Variants in DLGAP2 observed in about 807,000 individuals in gnomAD.
DLGAP2 encodes disks large-associated protein 2.
In DLGAP2, 26 loss-of-function variants were observed where a neutral mutation model predicts 100.3. The observed-to-expected ratio is 0.26, with a 90% CI of 0.19 to 0.36. DLGAP2 has a LOEUF of 0.36. Ranked by LOEUF, DLGAP2 falls within the 10% of genes least tolerant of loss-of-function variation. The pLI, the probability that DLGAP2 is intolerant of heterozygous loss-of-function variation, is 1.00. For missense variants in DLGAP2, 1,858 were observed against 1,453.2 expected (o/e 1.28, Z -4.53); for synonymous variants, 886 against 630.1 (o/e 1.41, Z -6.08).
At chr8:1,087,663 C>G (rs1305244559) in intron 2 of DLGAP2, among the ~76,000 whole-genome samples, 2 of 151,904 alleles carry the variant, frequency 1.3e-5, no homozygotes, top group Non-Finnish European at 2.9e-5. Flanking sequence ...ATCTTTGATT[C>G]CCTGGAGCTA....
intron 2 of DLGAP2, among the ~76,000 whole-genome samples, chr8:1,046,579 A>G (rs1802521905): frequency 6.6e-6 from 1 of 152,218 alleles, no homozygotes; most frequent in African/African-American, 2.4e-5. Flanking sequence ...TTCACCTAAT[A>G]TCTGTGTTTC....
intron 2 of DLGAP2, among the ~76,000 whole-genome samples, chr8:1,151,894 C>T (rs921495195): frequency 1.3e-5 from 2 of 152,218 alleles, no homozygotes; most frequent in African/African-American, 4.8e-5. Flanking sequence ...GGGTCCAATA[C>T]CATAAACAGC....
rs147385709 is a variant in DLGAP2, at chr8:1,548,975, C to T, written c.522C>T (p.Asp174=). The T allele has an allele frequency of 1.1e-4, 176 of 1,599,154 alleles. 1 individual carries two copies. In the Admixed American group the frequency reaches 2.3e-3, roughly 21 times the overall value. Residue 174 remains aspartate, a synonymous_variant, in exon 5 of 15, where the codon GAC becomes GAT. Transcript: ENST00000637795. ...MHYSSHYDTR[D]DCAVAHAGAK... ...ACAGCTCGCACTACGACACGCGCGA[C>T]GACTGCGCTGTGGCCCACGCGGGCG...
intron 1 of DLGAP2, among the ~76,000 whole-genome samples, chr8:845,123 A>G (rs1291353894): frequency 3.3e-5 from 5 of 152,210 alleles, no homozygotes; most frequent in African/African-American, 7.2e-5. Context: ...TCTGCTGTGC[A>G]TATTTGTGCA....
intron 1 of DLGAP2, among the ~76,000 whole-genome samples, chr8:749,867 C>A (rs1030305920): frequency 2.0e-5 from 3 of 152,172 alleles, no homozygotes; most frequent in Non-Finnish European, 2.9e-5. Context: ...AGGGTCCCCT[C>A]CTCTCCTGGC....
intron 1 of DLGAP2, among the ~76,000 whole-genome samples, chr8:892,530 G>A (rs1454720774): frequency 3.3e-5 from 5 of 151,940 alleles, no homozygotes; most frequent in Non-Finnish European, 5.9e-5. Flanking sequence ...AATGGGGGGT[G>A]CCAGGGGCTG....
At chr8:1,086,469 T>A (rs546073675) in intron 2 of DLGAP2, among the ~76,000 whole-genome samples, 1 of 152,254 alleles carries the variant, frequency 6.6e-6, no homozygotes, top group East Asian at 1.9e-4. Context: ...TCAAAACACA[T>A]AGAGTGAATA....
At chr8:1,386,883 T>C (rs1796233235) in intron 3 of DLGAP2, among the ~76,000 whole-genome samples, 1 of 152,206 alleles carries the variant, frequency 6.6e-6, no homozygotes, top group Non-Finnish European at 1.5e-5. Flanking sequence ...GTATTAATGA[T>C]ATAAATTATG....
chr8:1,590,378 C>T (rs1796255570), intron 6 of DLGAP2, among the ~76,000 whole-genome samples: 1 of 152,198 alleles, frequency 6.6e-6, no homozygotes, highest in African/African-American at 2.4e-5. Context: ...TTATCAGACA[C>T]TGTTTCTGAA....
intron 2 of DLGAP2, among the ~76,000 whole-genome samples, chr8:1,172,252 A>C (rs368682854): frequency 2.8e-4 from 43 of 152,272 alleles, no homozygotes; most frequent in Admixed American, 4.6e-4. Flanking sequence ...CCTAGAGATC[A>C]GCTGTTAGTC....
At chr8:902,495 C>G (rs1471605893) in intron 1 of DLGAP2, among the ~76,000 whole-genome samples, 2 of 146,370 alleles carry the variant, frequency 1.4e-5, no homozygotes, top group South Asian at 4.6e-4. Flanking sequence ...CACAGAGGCG[C>G]TGGGTGCCCT....
Position 1,333,508 on chromosome 8 carries a change from G to T in DLGAP2, c.106+74625G>T, listed in dbSNP as rs1291725645. Among the ~76,000 whole-genome samples the T allele has an allele frequency of 4.6e-5, 7 of 152,086 alleles. No homozygotes were observed. In the East Asian group the frequency reaches 1.2e-3, roughly 25 times the overall value. On this transcript the variant is annotated intron_variant, in intron 3 of 14. Coordinates refer to ENST00000637795, the MANE Select transcript of DLGAP2 (RefSeq NM_001346810.2). Reference sequence around the variant, plus strand: ...TTTGTGAGCTCTTCCACAGACAGGGGTTCACACCCCGTTTCTCCTCCCGTG... The same window carrying T: ...TTTGTGAGCTCTTCCACAGACAGGGTTTCACACCCCGTTTCTCCTCCCGTG...
intron 3 of DLGAP2, among the ~76,000 whole-genome samples, chr8:1,340,355 T>C (rs1263632436): frequency 6.6e-6 from 1 of 152,174 alleles, no homozygotes; most frequent in Non-Finnish European, 1.5e-5. Flanking sequence ...AGGTCTAATA[T>C]CTGGCATCTA....
At chr8:1,522,988 G>A (rs551401658) in intron 4 of DLGAP2, among the ~76,000 whole-genome samples, 13 of 152,262 alleles carry the variant, frequency 8.5e-5, no homozygotes, top group South Asian at 2.1e-4. Context: ...TGCTCTTCAC[G>A]TCAGCCACAT....
chr8:1,116,342 G>C (rs778965661), intron 2 of DLGAP2, among the ~76,000 whole-genome samples: 2 of 152,166 alleles, frequency 1.3e-5, no homozygotes, highest in East Asian at 1.9e-4. Context: ...AAGAGTGAGC[G>C]GTTGATGCCC....
At chr8:1,410,786 A>T (rs1037942286) in intron 3 of DLGAP2, among the ~76,000 whole-genome samples, 1 of 148,932 alleles carries the variant, frequency 6.7e-6, no homozygotes. Flanking sequence ...TTCCCAGATT[A>T]TGGCCACCTT....
chr8:1,203,977 G>A (rs370204307), intron 2 of DLGAP2, among the ~76,000 whole-genome samples: 12 of 152,212 alleles, frequency 7.9e-5, no homozygotes, highest in Admixed American at 1.3e-4. Context: ...TTCCAAAAAG[G>A]CGTTCTTTTG....
At chr8:1,593,306 T>A (rs571175281) in intron 6 of DLGAP2, among the ~76,000 whole-genome samples, 240 of 151,802 alleles carry the variant, frequency 1.6e-3, no homozygotes, top group African/African-American at 5.5e-3. Context: ...TACAAAACAA[T>A]TAGCTGGGCG....
rs1005144678 is a variant in DLGAP2, at chr8:997,827, A to G, written c.73+89861A>G. Reference sequence around the variant, plus strand: ...TTGCTTATACCTATGCATACATACAAACACGCATACACGTGTGCATACATA... The same window carrying G: ...TTGCTTATACCTATGCATACATACAGACACGCATACACGTGTGCATACATA... On this transcript the variant is annotated intron_variant, in intron 2 of 14. Coordinates refer to ENST00000637795, the MANE Select transcript of DLGAP2 (RefSeq NM_001346810.2). 2.0e-5 allele frequency among the ~76,000 whole-genome samples: 3 copies of G among 152,186 alleles called. No homozygotes were observed. In the East Asian group the frequency reaches 5.8e-4, roughly 29 times the overall value.
Sources: allele counts gnomAD v4.1 joint callset (sites outside exome capture counted in the v4.1 genomes callset), GRCh38; gene constraint gnomAD v4.1.1; transcripts MANE v1.5; gene names NCBI Gene and HGNC (gene_info 2026-07-23, HGNC 2026-07-21).